Variants in CPD observed in about 807,000 individuals in gnomAD.
CPD encodes the protein metallocarboxypeptidase D.
In CPD, 69 loss-of-function variants were observed where a neutral mutation model predicts 138.3. The observed-to-expected ratio is 0.50, with a 90% CI of 0.41 to 0.61. The LOEUF (loss-of-function observed/expected upper bound fraction) is 0.61, where lower values mean the gene tolerates loss of function less well. Ranked by LOEUF, CPD falls within the 20% of genes least tolerant of loss-of-function variation. The pLI is 0.00. For synonymous variants in CPD, 651 were observed against 642.1 expected, an observed-to-expected ratio of 1.01 and a Z score of -0.21; for missense variants, 1,432 against 1,733.3, an observed-to-expected ratio of 0.83 and a Z score of 3.09.
At chr17:30,450,903 A>G (rs936734322) in intron 13 of CPD, among the ~76,000 whole-genome samples, 1 of 152,220 alleles carries the variant, frequency 6.6e-6, no homozygotes, top group African/African-American at 2.4e-5. Context: ...TTGGGCACGT[A>G]TGATTAAGCA....
chr17:30,394,786 A>C (rs770538618), intron 2 of CPD, among the ~76,000 whole-genome samples: 8 of 152,200 alleles, frequency 5.3e-5, no homozygotes, highest in Non-Finnish European at 8.8e-5. Flanking sequence ...TGTCAAAGAG[A>C]GGATGTCAAA....
rs755192964 is a variant in CPD, at chr17:30,385,209, A to G, written c.967A>G (p.Asn323Asp). The G allele has an allele frequency of 1.9e-6, 3 of 1,614,088 alleles. No individual in the cohort carries two copies. The highest frequency in any genetic ancestry group is 2.5e-6 in the Non-Finnish European group (3 of 1,179,940). The change falls in exon 2 of 21, where the codon AAC becomes GAC. Residue 323 changes from asparagine to aspartate, a missense_variant. Physicochemically the swap from Asn to Asp is conservative, Grantham distance 23. Coordinates refer to ENST00000225719, the MANE Select transcript of CPD (RefSeq NM_001304.5). ...CGAGACTTTCAAAGATGGAATCACA[A>G]ACGGCGCACATTGGTATGATGTGGA... Reference protein sequence around the residue: ...EDETFKDGITNGAHWYDVEGG... With the variant: ...EDETFKDGITDGAHWYDVEGG...
chr17:30,404,558 T>A (rs1481633123), intron 2 of CPD, among the ~76,000 whole-genome samples: 2 of 152,160 alleles, frequency 1.3e-5, no homozygotes, highest in Admixed American at 6.5e-5. Flanking sequence ...CTCTTTCAAT[T>A]TGAATACTAT....
intron 17 of CPD, among the ~76,000 whole-genome samples, chr17:30,457,059 C>G (rs1293925254): frequency 1.3e-5 from 2 of 151,880 alleles, no homozygotes; most frequent in Non-Finnish European, 2.9e-5. Flanking sequence ...ATGTTGTGCC[C>G]CAAAAACCAT....
At chr17:30,413,706 G>A (rs1218302348) in intron 2 of CPD, among the ~76,000 whole-genome samples, 2 of 152,220 alleles carry the variant, frequency 1.3e-5, no homozygotes, top group South Asian at 2.1e-4. Context: ...GGAGAAACAG[G>A]CAGTAGATAG....
intron 19 of CPD, 29 bp downstream of exon 19, chr17:30,462,091 G>T: frequency 2.6e-6 from 4 of 1,563,510 alleles, no homozygotes; most frequent in Non-Finnish European, 3.5e-6. Flanking sequence ...GTAGCATCAT[G>T]TAAATTTTTA....
intron 12 of CPD, among the ~76,000 whole-genome samples, chr17:30,447,387 TA>T (rs1221295403): frequency 6.6e-6 from 1 of 152,208 alleles, no homozygotes; most frequent in Non-Finnish European, 1.5e-5. Flanking sequence ...GAGATCTTTT[TA>T]ATAGTGAATC....
At chr17:30,408,925 G>A (rs1014510905) in intron 2 of CPD, among the ~76,000 whole-genome samples, 1 of 152,056 alleles carries the variant, frequency 6.6e-6, no homozygotes, top group Non-Finnish European at 1.5e-5. Context: ...AAAAAAACTG[G>A]CACAGTATTC....
intron 2 of CPD, among the ~76,000 whole-genome samples, chr17:30,412,819 C>T (rs1912001396): frequency 6.6e-6 from 1 of 152,164 alleles, no homozygotes; most frequent in South Asian, 2.1e-4. Context: ...GAAATCTCCC[C>T]ACCCCTTGCA....
chr17:30,448,497 C>T (rs1913083786), intron 12 of CPD, among the ~76,000 whole-genome samples: 1 of 152,152 alleles, frequency 6.6e-6, no homozygotes, highest in Admixed American at 6.5e-5. Context: ...TGGTGGGGCA[C>T]AAGAGAGTTT....
At chr17:30,421,931 G>A in intron 4 of CPD, 98 bp downstream of exon 4, 1 of 948,986 alleles carries the variant, frequency 1.1e-6, no homozygotes, top group Non-Finnish European at 1.5e-6. Context: ...TTTATTTTTT[G>A]TGGCTTTTAT....
chr17:30,395,971 A>AT (rs1440844760), intron 2 of CPD, among the ~76,000 whole-genome samples: 2 of 152,192 alleles, frequency 1.3e-5, no homozygotes, highest in African/African-American at 4.8e-5. Flanking sequence ...GAATTTAAAA[A>AT]TTAGGAATTT....
At chr17:30,390,463 G>T (rs1911325081) in intron 2 of CPD, among the ~76,000 whole-genome samples, 1 of 152,178 alleles carries the variant, frequency 6.6e-6, no homozygotes, top group East Asian at 1.9e-4. Context: ...ACTAACTTGT[G>T]CAATATAATG....
intron 2 of CPD, among the ~76,000 whole-genome samples, chr17:30,419,668 T>C (rs1458118983): frequency 1.3e-5 from 2 of 152,152 alleles, no homozygotes; most frequent in Non-Finnish European, 2.9e-5. Context: ...TTAAACATCA[T>C]AGAATGCGAG....
At chr17:30,424,122 A>G (rs1912339598) in intron 6 of CPD, among the ~76,000 whole-genome samples, 1 of 152,016 alleles carries the variant, frequency 6.6e-6, no homozygotes, top group Non-Finnish European at 1.5e-5. Context: ...GGTTTTAAAC[A>G]TTTTAAGAAG....
At chr17:30,445,010 A>G (rs901419269) in intron 11 of CPD, among the ~76,000 whole-genome samples, 7 of 152,084 alleles carry the variant, frequency 4.6e-5, no homozygotes, top group African/African-American at 1.4e-4. Flanking sequence ...GATCCGAGAA[A>G]CAGGGTGAGA....
At chr17:30,438,873 C>A in intron 8 of CPD, 102 bp from the exon 9 acceptor site, 2 of 657,776 alleles carry the variant, frequency 3.0e-6, no homozygotes, top group Non-Finnish European at 2.5e-6. Flanking sequence ...CCCTCACATA[C>A]CCTGTTGGAA....
intron 2 of CPD, among the ~76,000 whole-genome samples, chr17:30,411,192 C>G (rs953800314): frequency 4.6e-5 from 7 of 152,188 alleles, no homozygotes; most frequent in African/African-American, 1.2e-4. Context: ...GGCCCCCACT[C>G]TCTTCTGGCT....
At position 30,445,960 on chromosome 17, in the gene CPD, A is replaced by G; in HGVS notation, c.2813A>G (p.Asp938Gly). 1 of 1,613,778 alleles carries G rather than the reference A, an allele frequency of 6.2e-7. No homozygotes were observed. Among genetic ancestry groups the G allele is most frequent in the Non-Finnish European group, 8.5e-7 (1 of 1,179,960 alleles). ...LALYRYHSYKDLSEFLRGLVM... is the reference protein window; with the variant it reads ...LALYRYHSYKGLSEFLRGLVM... ...CTTTATCGATACCATTCCTACAAAGACTTATCAGAGTTTCTGAGAGGACTT... is the reference window on the plus strand; with the variant it reads ...CTTTATCGATACCATTCCTACAAAGGCTTATCAGAGTTTCTGAGAGGACTT... Residue 938 changes from aspartate to glycine, a missense_variant, in exon 12 of 21, where the codon GAC (aspartate) becomes GGC (glycine). By Grantham distance (94) the Asp-to-Gly change is moderately conservative. Around this residue, in one of 6 missense-constraint regions of CPD, gnomAD observed 124 missense variants for 117.0 expected, o/e 1.06. Coordinates refer to ENST00000225719, the MANE Select transcript of CPD (RefSeq NM_001304.5).
Sources: gnomAD v4.1 joint callset for allele counts (sites outside exome capture counted in the v4.1 genomes callset) on GRCh38, gnomAD v4.1.1 for gene constraint, gnomAD v4.1.1 regional missense constraint, MANE v1.5 for transcripts, NCBI Gene and HGNC (gene_info 2026-07-23, HGNC 2026-07-21) for gene names.